RALYL: variants seen among roughly 807,000 people sequenced by gnomAD.
RALYL encodes RNA-binding Raly-like protein.
RALYL carries 29 observed loss-of-function variants against 35.1 expected under a neutral mutation model. That is an observed-to-expected ratio of 0.83 (90% CI 0.61 to 1.13). The LOEUF is 1.13. RALYL is among the 50% of genes most tolerant of loss of function. The probability of loss-of-function intolerance (pLI) is 0.00; values close to 1 mark genes in which losing one functional copy is unlikely to be tolerated. For synonymous variants in RALYL, 120 were observed against 127.6 expected (o/e 0.94, Z 0.40); for missense variants, 359 against 360.4 (o/e 1.00, Z 0.03).
chr8:84,878,138 T>C (rs1021282568), intron 7 of RALYL, among the ~76,000 whole-genome samples: 4 of 152,156 alleles, frequency 2.6e-5, no homozygotes, highest in Admixed American at 6.5e-5. Context: ...GATTCCTATG[T>C]CCCAGCTATC....
chr8:84,470,897 A>G (rs1403071992), intron 1 of RALYL, among the ~76,000 whole-genome samples: 1 of 152,234 alleles, frequency 6.6e-6, no homozygotes, highest in Admixed American at 6.5e-5. Context: ...GTTGTTAATC[A>G]CAATCATTTA....
rs16912687 is a variant in RALYL, at chr8:84,323,728, T to A, written c.-24+139304T>A. On this transcript the variant is annotated intron_variant, in intron 1 of 8. Coordinates refer to ENST00000521268, the MANE Select transcript of RALYL (RefSeq NM_173848.7). ...GGATATCCTATATGACCACACATAT[T>A]AAATTCCAGGGTGTTACTATGAAAG... 7.7e-3 allele frequency among the ~76,000 whole-genome samples: 1,179 copies of A among 152,188 alleles called. 20 individuals are homozygous for A. The highest frequency in any genetic ancestry group is 0.027 in the African/African-American group (1,134 of 41,558).
intron 1 of RALYL, among the ~76,000 whole-genome samples, chr8:84,296,893 T>G (rs902032794): frequency 1.3e-5 from 2 of 151,906 alleles, no homozygotes; most frequent in African/African-American, 4.8e-5. Context: ...TTAGAAATAT[T>G]GGCATTTTTT....
chr8:84,749,132 G>A (rs529099634), intron 2 of RALYL, among the ~76,000 whole-genome samples: 30 of 152,194 alleles, frequency 2.0e-4, no homozygotes, highest in African/African-American at 6.7e-4. Flanking sequence ...TTCAAAAAAT[G>A]CAGATTGAAA....
intron 4 of RALYL, among the ~76,000 whole-genome samples, chr8:84,822,106 C>A (rs1158935504): frequency 1.3e-5 from 2 of 152,174 alleles, no homozygotes; most frequent in East Asian, 1.9e-4. Context: ...TGAGACATTT[C>A]TTCCAGATAC....
intron 1 of RALYL, among the ~76,000 whole-genome samples, chr8:84,398,967 C>T (rs1034401268): frequency 6.7e-5 from 4 of 59,676 alleles, no homozygotes; most frequent in Non-Finnish European, 9.5e-5. Flanking sequence ...GAGTGAGACT[C>T]TGTCTCAAAA....
At chr8:84,567,822 C>T (rs1228989302) in intron 2 of RALYL, among the ~76,000 whole-genome samples, 3 of 151,610 alleles carry the variant, frequency 2.0e-5, no homozygotes, top group African/African-American at 2.4e-5. Flanking sequence ...AGATTCCCAC[C>T]AACAGGTCAT....
At chr8:84,454,640 A>C (rs553938134) in intron 1 of RALYL, among the ~76,000 whole-genome samples, 2 of 152,138 alleles carry the variant, frequency 1.3e-5, no homozygotes, top group South Asian at 4.1e-4. Flanking sequence ...GCTCTCCTTC[A>C]CTTGGCATTC....
At chr8:84,627,664 C>A (rs1019117152) in intron 2 of RALYL, among the ~76,000 whole-genome samples, 1 of 151,254 alleles carries the variant, frequency 6.6e-6, no homozygotes, top group Admixed American at 6.6e-5. Context: ...TGTTAAATAC[C>A]AGATTTATTT....
intron 1 of RALYL, among the ~76,000 whole-genome samples, chr8:84,297,024 G>A (rs1012321210): frequency 1.3e-5 from 2 of 150,784 alleles, no homozygotes; most frequent in Admixed American, 1.3e-4. Context: ...TGTATGATTA[G>A]AATTAAGACA....
At chr8:84,367,953 C>T (rs942862883) in intron 1 of RALYL, among the ~76,000 whole-genome samples, 1 of 152,126 alleles carries the variant, frequency 6.6e-6, no homozygotes, top group Non-Finnish European at 1.5e-5. Flanking sequence ...GTCACCTTTT[C>T]CTTCCTTTTT....
intron 1 of RALYL, among the ~76,000 whole-genome samples, chr8:84,265,790 C>T (rs1449125567): frequency 6.6e-6 from 1 of 152,170 alleles, no homozygotes; most frequent in Non-Finnish European, 1.5e-5. Context: ...CATCCTTTAC[C>T]TAATCGTTCC....
intron 2 of RALYL, among the ~76,000 whole-genome samples, chr8:84,702,427 A>G (rs565225388): frequency 1.3e-5 from 2 of 152,214 alleles, no homozygotes; most frequent in South Asian, 2.1e-4. Flanking sequence ...TCATTTGGCT[A>G]AAGTTTCCCC....
At chr8:84,254,345 A>T (rs999649063) in intron 1 of RALYL, among the ~76,000 whole-genome samples, 8 of 152,148 alleles carry the variant, frequency 5.3e-5, no homozygotes, top group African/African-American at 1.9e-4. Context: ...AGCAATTCTG[A>T]AACTTGGCTA....
intron 1 of RALYL, among the ~76,000 whole-genome samples, chr8:84,324,831 T>C (rs1254191199): frequency 6.6e-6 from 1 of 152,068 alleles, no homozygotes; most frequent in Non-Finnish European, 1.5e-5. Flanking sequence ...AGGTATTAAA[T>C]TCATAATTCT....
At chr8:84,296,196 C>T (rs1262351417) in intron 1 of RALYL, among the ~76,000 whole-genome samples, 1 of 152,064 alleles carries the variant, frequency 6.6e-6, no homozygotes, top group African/African-American at 2.4e-5. Flanking sequence ...CTCTATATTG[C>T]TGTATTTGTC....
chr8:84,390,462 C>A (rs1314843896), intron 1 of RALYL, among the ~76,000 whole-genome samples: 1 of 152,046 alleles, frequency 6.6e-6, no homozygotes, highest in African/African-American at 2.4e-5. Flanking sequence ...GCTGTGAATC[C>A]ATCTGGTCCT....
chr8:84,519,531 A>G (rs1432941832), intron 1 of RALYL, among the ~76,000 whole-genome samples: 1 of 152,224 alleles, frequency 6.6e-6, no homozygotes, highest in Admixed American at 6.5e-5. Flanking sequence ...AAACAAAAGA[A>G]GTGAAACCCT....
At chr8:84,234,408 T>C (rs2131472433) in intron 1 of RALYL, among the ~76,000 whole-genome samples, 1 of 152,368 alleles carries the variant, frequency 6.6e-6, no homozygotes, top group South Asian at 2.1e-4. Context: ...AACATAATCT[T>C]GCAAGACTTC....
Sources: allele counts gnomAD v4.1 joint callset (sites outside exome capture counted in the v4.1 genomes callset), GRCh38; gene constraint gnomAD v4.1.1; transcripts MANE v1.5; gene names NCBI Gene and HGNC (gene_info 2026-07-23, HGNC 2026-07-21).